The following PRKN variants were observed in gnomAD, a reference collection of about 807,000 sequenced individuals.
PRKN encodes the protein E3 ubiquitin-protein ligase parkin.
PRKN carries 56 observed loss-of-function variants against 59.5 expected under a neutral mutation model. That is an observed-to-expected ratio of 0.94 (90% confidence interval 0.76 to 1.18). The LOEUF is 1.18. Ranked by LOEUF, PRKN falls within the 50% of genes most tolerant of loss-of-function variation. The pLI, the probability that PRKN is intolerant of heterozygous loss-of-function variation, is 0.00. For missense variants in PRKN, 657 were observed against 596.4 expected (o/e 1.10, Z -1.06); for synonymous variants, 250 against 222.1 (o/e 1.13, Z -1.12).
In PRKN at chr6:161,966,557, C is replaced by T. The variant is rs562116476; in HGVS notation, c.734+6745G>A. Among the ~76,000 whole-genome samples, 17 of 152,300 alleles carry T rather than the reference C, an allele frequency of 1.1e-4. No individual in the cohort carries two copies. In the South Asian group the frequency reaches 2.5e-3, roughly 22 times the overall value. On this transcript the variant is annotated intron_variant, in intron 6 of 11. Coordinates refer to ENST00000366898, the MANE Select transcript of PRKN (RefSeq NM_004562.3). ...TCTGTTGTAACTTCTATTGGAAAGA[C>T]TAAACAAGGCAGCTATTTTGCCTTC... is the stretch of plus-strand genomic sequence containing the variant.
intron 9 of PRKN, among the ~76,000 whole-genome samples, chr6:161,449,062 T>C (rs529394178): frequency 3.3e-5 from 5 of 152,262 alleles, no homozygotes; most frequent in South Asian, 2.1e-4. Flanking sequence ...GGTAAGAACA[T>C]TGTCTGGGAT....
intron 8 of PRKN, among the ~76,000 whole-genome samples, chr6:161,563,136 T>G (rs1414452307): frequency 6.6e-6 from 1 of 152,084 alleles, no homozygotes. Flanking sequence ...CAATAGCTGG[T>G]GTCCCCTCAA....
At chr6:162,608,565 A>C (rs954859083) in intron 1 of PRKN, among the ~76,000 whole-genome samples, 1 of 152,202 alleles carries the variant, frequency 6.6e-6, no homozygotes, top group Non-Finnish European at 1.5e-5. Context: ...TCAAATGATC[A>C]TGTTTTGCAA....
chr6:161,724,637 G>A (rs1204504958), intron 7 of PRKN, among the ~76,000 whole-genome samples: 1 of 152,122 alleles, frequency 6.6e-6, no homozygotes, highest in African/African-American at 2.4e-5. Flanking sequence ...GTACTAAAAT[G>A]CTACATTTTG....
In PRKN at chr6:162,668,889, G is replaced by C. The variant is rs1355395944; in HGVS notation, c.7+58773C>G. Among the ~76,000 whole-genome samples the C allele has an allele frequency of 2.0e-5, 3 of 152,146 alleles. No individual in the cohort carries two copies. In the East Asian group the frequency reaches 5.8e-4, roughly 29 times the overall value. ...AGGCATTTACTTCATTCTGAGAGTG[G>C]ATGATAATGATGATGGTGGTGGCCC... On this transcript the variant is annotated intron_variant, in intron 1 of 11. Transcript: ENST00000366898.
At chr6:162,241,060 A>T (rs1778967931) in intron 3 of PRKN, among the ~76,000 whole-genome samples, 1 of 152,210 alleles carries the variant, frequency 6.6e-6, no homozygotes, top group Non-Finnish European at 1.5e-5. Context: ...TAGAAATTTA[A>T]ATTAGAAAAT....
Position 161,502,881 on chromosome 6 carries a change from G to A in PRKN, c.1083+45973C>T, listed in dbSNP as rs187803264. Among the ~76,000 whole-genome samples the A allele has an allele frequency of 9.2e-5, 14 of 152,236 alleles. No homozygotes were observed. The highest frequency in any genetic ancestry group is 3.4e-4 in the African/African-American group (14 of 41,544). On this transcript the variant is annotated intron_variant, in intron 9 of 11. Coordinates refer to ENST00000366898, the MANE Select transcript of PRKN (RefSeq NM_004562.3). The surrounding 1 kb of genome is among the most constrained non-coding windows in gnomAD (Gnocchi z 4.0). ...CCTGACTCCACAGCTTAGTAGGTGC[G>A]TAACCCTGGGGATGTCGCTTAATTG...
chr6:162,507,306 C>G (rs1793653772), intron 1 of PRKN, among the ~76,000 whole-genome samples: 1 of 152,080 alleles, frequency 6.6e-6, no homozygotes, highest in Non-Finnish European at 1.5e-5. Flanking sequence ...TGATTTCACT[C>G]CTATGCTTAA....
rs551171847 is a variant in PRKN, at chr6:162,373,263, T to A, written c.171+70047A>T. On this transcript the variant is annotated intron_variant, in intron 2 of 11. Coordinates refer to ENST00000366898, the MANE Select transcript of PRKN (RefSeq NM_004562.3). The stretch of plus-strand genomic sequence containing the variant: ...AGTTTAAGTTTTCTTTTGAGAAAAA[T>A]TTGGCTATGTAAAGGTGAGTTTGGC... Among the ~76,000 whole-genome samples, 4 of 152,290 alleles carry A rather than the reference T, an allele frequency of 2.6e-5. No individual in the cohort carries two copies. In the South Asian group the frequency reaches 8.3e-4, roughly 32 times the overall value.
rs1156352702 is a variant in PRKN, at chr6:161,497,001, C to T, written c.1083+51853G>A. Among the ~76,000 whole-genome samples, 2 of 152,192 alleles carry T rather than the reference C, an allele frequency of 1.3e-5. No homozygotes were observed. Among genetic ancestry groups the T allele is most frequent in the Admixed American group, 6.5e-5 (1 of 15,286 alleles). On this transcript the variant is annotated intron_variant, in intron 9 of 11. Transcript: ENST00000366898. The surrounding 1 kb of genome is among the most constrained non-coding windows in gnomAD (Gnocchi z 4.6). ...CACATTTCTGCTGTTCTACGCCACC[C>T]GGCTTGTGGCACTTTATAATGGCAG...
chr6:162,563,684 A>G (rs754609884), intron 1 of PRKN, among the ~76,000 whole-genome samples: 2 of 152,232 alleles, frequency 1.3e-5, no homozygotes, highest in Non-Finnish European at 2.9e-5. Context: ...GGCACCAGGG[A>G]CCAATCCTGG....
At chr6:162,235,634 T>C (rs1778622720) in intron 3 of PRKN, among the ~76,000 whole-genome samples, 1 of 151,896 alleles carries the variant, frequency 6.6e-6, no homozygotes, top group Non-Finnish European at 1.5e-5. Context: ...GGCGAAACCC[T>C]GTCTCTACTA....
chr6:162,458,287 G>T (rs1232660217), intron 1 of PRKN, among the ~76,000 whole-genome samples: 3 of 142,820 alleles, frequency 2.1e-5, no homozygotes. Flanking sequence ...TTACCTGGGT[G>T]TGGTGGCACG....
chr6:161,519,549 A>G (rs1778744088), intron 9 of PRKN, among the ~76,000 whole-genome samples: 1 of 152,216 alleles, frequency 6.6e-6, no homozygotes, highest in Admixed American at 6.5e-5. Flanking sequence ...GCTGAGCCCA[A>G]GGAGAATGTG....
At chr6:161,485,632 A>G (rs1321752142) in intron 9 of PRKN, among the ~76,000 whole-genome samples, 3 of 152,170 alleles carry the variant, frequency 2.0e-5, no homozygotes, top group Non-Finnish European at 4.4e-5. Flanking sequence ...TATAAGAGAG[A>G]AGCTTCTACT....
chr6:161,643,571 T>C lies in PRKN; in HGVS notation c.872-74155A>G, dbSNP rs562862197. On this transcript the variant is annotated intron_variant, in intron 7 of 11. Transcript: ENST00000366898. ...ATTTAAACATAGGCCAGTGAACAGA[T>C]ATTAAGAAGTGTATATTGCAATCTA... Among the ~76,000 whole-genome samples, 29 of 152,318 alleles carry C rather than the reference T, an allele frequency of 1.9e-4. No homozygotes were observed. In the South Asian group the frequency reaches 6.0e-3, roughly 32 times the overall value.
At chr6:162,042,129 T>TGCA (rs1784089420) in intron 5 of PRKN, among the ~76,000 whole-genome samples, 1 of 151,952 alleles carries the variant, frequency 6.6e-6, no homozygotes, top group Admixed American at 6.6e-5. Context: ...TTGCTTTTAT[T>TGCA]TGAATGAAAT....
chr6:161,775,243 A>G (rs1419318972), intron 7 of PRKN, among the ~76,000 whole-genome samples: 1 of 151,978 alleles, frequency 6.6e-6, no homozygotes, highest in Admixed American at 6.6e-5. Context: ...GCTTTAAGTT[A>G]GCAATTCTTT....
chr6:162,007,654 A>C (rs186013421), intron 5 of PRKN, among the ~76,000 whole-genome samples: 62 of 152,268 alleles, frequency 4.1e-4, no homozygotes, highest in African/African-American at 1.4e-3. Flanking sequence ...CCATCTGCTC[A>C]TCACAACAAA....
Sources: allele counts gnomAD v4.1 joint callset (sites outside exome capture counted in the v4.1 genomes callset), GRCh38; gene constraint gnomAD v4.1.1; non-coding constraint Gnocchi (gnomAD v3.1); transcripts MANE v1.5; gene names NCBI Gene and HGNC (gene_info 2026-07-23, HGNC 2026-07-21).